Variants in PTPRG observed in about 807,000 individuals in gnomAD.
PTPRG encodes the protein protein tyrosine phosphatase receptor type G, also known as receptor-type tyrosine-protein phosphatase gamma.
In PTPRG, 102 loss-of-function variants were observed where a neutral mutation model predicts 165.3. The observed-to-expected ratio is 0.62, with a 90% CI of 0.53 to 0.73. The LOEUF (loss-of-function observed/expected upper bound fraction) is 0.73. PTPRG is among the 30% of genes least tolerant of loss of function. The pLI is 0.00. For missense variants in PTPRG, 1,866 were observed against 1,861.4 expected (o/e 1.00, Z -0.05); for synonymous variants, 675 against 669.5 (o/e 1.01, Z -0.13).
At chr3:61,595,402 C>G (rs1176551496) in intron 1 of PTPRG, among the ~76,000 whole-genome samples, 2 of 152,182 alleles carry the variant, frequency 1.3e-5, no homozygotes, top group Admixed American at 6.5e-5. Context: ...TCTCTTCTTA[C>G]AGCTGGGAAT....
At chr3:62,168,504 T>C (rs951093401) in intron 8 of PTPRG, among the ~76,000 whole-genome samples, 3 of 152,216 alleles carry the variant, frequency 2.0e-5, no homozygotes, top group Non-Finnish European at 4.4e-5. Flanking sequence ...ATCTCTGAGC[T>C]CAGACATCAG....
At chr3:61,679,402 G>A (rs191650343) in intron 1 of PTPRG, among the ~76,000 whole-genome samples, 66 of 152,228 alleles carry the variant, frequency 4.3e-4, no homozygotes, top group African/African-American at 1.5e-3. Context: ...TTAGCAGCCC[G>A]ACCAAGAGCC....
intron 1 of PTPRG, among the ~76,000 whole-genome samples, chr3:61,703,654 C>G (rs2031096210): frequency 6.6e-6 from 1 of 152,160 alleles, no homozygotes; most frequent in South Asian, 2.1e-4. Context: ...ATCAGTGAAA[C>G]TTCACCTTTT....
At chr3:61,758,029 G>C (rs1478257422) in intron 2 of PTPRG, among the ~76,000 whole-genome samples, 1 of 152,130 alleles carries the variant, frequency 6.6e-6, no homozygotes, top group Non-Finnish European at 1.5e-5. Flanking sequence ...CATTACATCT[G>C]ATTTGATTCA....
At position 61,936,241 on chromosome 3, in the gene PTPRG, T is replaced by C. The variant is rs1042809086; in HGVS notation, c.191-53384T>C. On this transcript the variant is annotated intron_variant, in intron 2 of 29. Coordinates refer to ENST00000474889, the MANE Select transcript of PTPRG (RefSeq NM_002841.4). ...TATCAATTACTCAGTTGCAGGAATT[T>C]TGTTACAGCAGCACAGACAGACTAA... is the stretch of plus-strand genomic sequence containing the variant. 2.0e-5 allele frequency among the ~76,000 whole-genome samples: 3 copies of C among 152,202 alleles called. No individual in the cohort carries two copies. The South Asian group carries it at 6.2e-4, about 32-fold the overall frequency.
Position 62,071,347 on chromosome 3 carries a change from A to C in PTPRG, c.520-6816A>C, listed in dbSNP as rs145960359. 5.9e-5 allele frequency among the ~76,000 whole-genome samples: 9 copies of C among 152,162 alleles called. No individual in the cohort carries two copies. The East Asian group carries it at 1.2e-3, about 20-fold the overall frequency. ...TTGGGTTTTCTACTCTCATGTTGGG[A>C]TCATTTCCTTTTGCTTCCATGATCA... On this transcript the variant is annotated intron_variant, in intron 4 of 29. Coordinates refer to ENST00000474889, the MANE Select transcript of PTPRG (RefSeq NM_002841.4).
intron 1 of PTPRG, among the ~76,000 whole-genome samples, chr3:61,675,027 C>A (rs1422287141): frequency 6.6e-6 from 1 of 152,172 alleles, no homozygotes; most frequent in Non-Finnish European, 1.5e-5. Flanking sequence ...ATCAACAAAG[C>A]AAGAAACAGC....
chr3:62,045,351 A>G (rs1209653337), intron 4 of PTPRG, among the ~76,000 whole-genome samples: 1 of 152,210 alleles, frequency 6.6e-6, no homozygotes, highest in Admixed American at 6.5e-5. Flanking sequence ...TCTGAAGGAA[A>G]TTTAAATTTA....
chr3:61,721,200 T>C (rs1048093772), intron 1 of PTPRG, among the ~76,000 whole-genome samples: 2 of 152,224 alleles, frequency 1.3e-5, no homozygotes, highest in Admixed American at 1.3e-4. Context: ...TACTTGAGAA[T>C]TGATTACTGT....
chr3:61,867,454 C>A (rs1204376834), intron 2 of PTPRG, among the ~76,000 whole-genome samples: 1 of 152,160 alleles, frequency 6.6e-6, no homozygotes. Context: ...CTCTTCTTTC[C>A]CTCCTTTTTA....
At chr3:62,192,454 G>C (rs536927327) in intron 9 of PTPRG, among the ~76,000 whole-genome samples, 2 of 127,718 alleles carry the variant, frequency 1.6e-5, no homozygotes, top group Non-Finnish European at 3.1e-5. Flanking sequence ...TGTCGCCCAG[G>C]CTGGAGTGCA....
At chr3:62,288,109 A>G (rs1297931408) in intron 28 of PTPRG, among the ~76,000 whole-genome samples, 2 of 151,950 alleles carry the variant, frequency 1.3e-5, no homozygotes, top group African/African-American at 2.4e-5. Flanking sequence ...ACTGCATTTC[A>G]AAACCTGGTG....
chr3:62,114,973 A>G (rs1205021354), intron 5 of PTPRG, among the ~76,000 whole-genome samples: 2 of 152,106 alleles, frequency 1.3e-5, no homozygotes, highest in Admixed American at 1.3e-4. Flanking sequence ...AAAGCCCCAA[A>G]TCACTATGGT....
chr3:62,016,094 C>G (rs1007564944), intron 4 of PTPRG, among the ~76,000 whole-genome samples: 3 of 152,040 alleles, frequency 2.0e-5, no homozygotes, highest in Non-Finnish European at 4.4e-5. Context: ...AAACCCCCTC[C>G]TCATAGAGTA....
At chr3:61,951,108 TTG>T (rs1471648166) in intron 2 of PTPRG, among the ~76,000 whole-genome samples, 1 of 152,242 alleles carries the variant, frequency 6.6e-6, no homozygotes, top group Non-Finnish European at 1.5e-5. Context: ...AAGTCATTCA[TTG>T]TTAGCAGTGA....
intron 9 of PTPRG, among the ~76,000 whole-genome samples, chr3:62,192,868 A>G (rs1457968608): frequency 1.3e-5 from 2 of 152,202 alleles, no homozygotes; most frequent in African/African-American, 2.4e-5. Context: ...TGGGATTCTT[A>G]ATGACTGTTA....
chr3:61,725,014 G>A (rs1009565599), intron 1 of PTPRG, among the ~76,000 whole-genome samples: 9 of 152,162 alleles, frequency 5.9e-5, no homozygotes, highest in African/African-American at 2.2e-4. Flanking sequence ...CTCTCTGGCC[G>A]ATGCTTTGGT....
chr3:62,119,787 A>ATTTTT (rs34842750), intron 5 of PTPRG, among the ~76,000 whole-genome samples: 18 of 111,720 alleles, frequency 1.6e-4, no homozygotes, highest in African/African-American at 2.4e-4. Context: ...CGCCTGGCTA[A>ATTTTT]TTTTTTTTTT....
At chr3:61,887,446 A>G (rs1331292886) in intron 2 of PTPRG, among the ~76,000 whole-genome samples, 1 of 152,074 alleles carries the variant, frequency 6.6e-6, no homozygotes, top group Non-Finnish European at 1.5e-5. Flanking sequence ...CTGTTTACAA[A>G]CATGTCCCCA....
Sources: allele counts gnomAD v4.1 joint callset (sites outside exome capture counted in the v4.1 genomes callset), GRCh38; gene constraint gnomAD v4.1.1; transcripts MANE v1.5; gene names NCBI Gene and HGNC (gene_info 2026-07-23, HGNC 2026-07-21).